SSH1: variants seen among roughly 807,000 people sequenced by gnomAD.
SSH1 encodes protein phosphatase Slingshot homolog 1.
In SSH1, 43 loss-of-function variants were observed where a neutral mutation model predicts 79.7. That is an observed-to-expected ratio of 0.54 (90% CI 0.42 to 0.70). SSH1 has a LOEUF of 0.70. Among genes scored for constraint, SSH1 ranks in the 30% least tolerant of loss-of-function variants. The pLI, the probability that SSH1 is intolerant of heterozygous loss-of-function variation, is 0.00. For synonymous variants in SSH1, 599 were observed against 538.3 expected (o/e 1.11, Z -1.56); for missense variants, 1,206 against 1,358.8 (o/e 0.89, Z 1.77).
At chr12:108,826,093 T>C (rs561753669) in intron 2 of SSH1, 1 of 445,324 alleles carries the variant, frequency 2.2e-6, no homozygotes, top group Non-Finnish European at 4.5e-6. Context: ...AAAAAAAAAA[T>C]TCATACTGAC....
chr12:108,826,502 G>A (rs1198746640), intron 2 of SSH1: 3 of 142,792 alleles, frequency 2.1e-5, no homozygotes, highest in Admixed American at 7.6e-5. Flanking sequence ...ACAGTCAGGA[G>A]ATACAGCCAG....
intron 13 of SSH1, among the ~76,000 whole-genome samples, chr12:108,798,534 T>A (rs1004423284): frequency 3.3e-5 from 5 of 150,030 alleles, no homozygotes; most frequent in Admixed American, 6.6e-5. Context: ...AAGAGGGAAC[T>A]GAGGCTCGGG....
intron 6 of SSH1, among the ~76,000 whole-genome samples, chr12:108,810,670 C>T (rs1206000026): frequency 2.0e-5 from 3 of 152,264 alleles, no homozygotes; most frequent in South Asian, 2.1e-4. Context: ...TTAGAATCCC[C>T]GTGTCAGGCC....
chr12:108,841,791 G>C (rs1424249697), intron 2 of SSH1, among the ~76,000 whole-genome samples: 1 of 151,378 alleles, frequency 6.6e-6, no homozygotes, highest in South Asian at 2.1e-4. Flanking sequence ...CCTGGTGACA[G>C]AGCAAGTCTC....
rs201402062 is a variant in SSH1 at position 108,792,645 on chromosome 12, G to A, written c.1534C>T (p.Arg512Trp). The A allele has an allele frequency of 6.4e-5, 103 of 1,611,540 alleles. No homozygotes were observed. The East Asian group carries it at 1.5e-3, about 23-fold the overall frequency. Residue 512 changes from arginine to tryptophan, a missense_variant, in exon 14 of 15, where the codon CGG (arginine) becomes TGG (tryptophan). Around this residue, in one of 5 missense-constraint regions of SSH1, gnomAD observed 709 missense variants for 730.6 expected, o/e 0.97. Transcript: ENST00000326495. ...GLGPPLPCCFRRLSDPLLPSP... is the reference protein window; with the variant it reads ...GLGPPLPCCFWRLSDPLLPSP... ...GGCAGAAGGGGGTCTGAGAGTCGCC[G>A]GAAACAGCAGGGGAGGGGGGGCCCT...
At position 108,787,765 on chromosome 12, in the gene SSH1, G is replaced by A. The variant is rs1007853428; in HGVS notation, c.*223C>T. The A allele has an allele frequency of 9.9e-6, 6 of 603,640 alleles. No individual in the cohort carries two copies. Among genetic ancestry groups the A allele is most frequent in the Middle Eastern group, 4.4e-4 (1 of 2,272 alleles). 37.4% of individuals were successfully genotyped at this position (603,640 alleles called of 1,614,324 possible). On this transcript the variant is annotated 3_prime_UTR_variant, in exon 15 of 15. Transcript: ENST00000326495. ...CGGAGTTTTGTGTCTCCTGGCCGGC[G>A]GCTCCTGGTTCTCCCAGGCCACACG...
chr12:108,835,796 A>C (rs777261263), intron 2 of SSH1, among the ~76,000 whole-genome samples: 35 of 151,186 alleles, frequency 2.3e-4, no homozygotes, highest in Non-Finnish European at 4.3e-4. Flanking sequence ...CTCACAGGCA[A>C]GGAATGAAAT....
At position 108,799,091 on chromosome 12, in the gene SSH1, A is replaced by G. The variant is rs1252232016; in HGVS notation, c.1258T>C (p.Tyr420His). The part of the protein sequence containing the change: ...KEFGWPLEKA[Y>H]NYVKQKRSIT... Reference sequence around the variant, plus strand: ...CTGCGCTTCTGCTTTACATAGTTATATGCTTTTTCCAGAGGCCAGCCGAAT... The same window carrying G: ...CTGCGCTTCTGCTTTACATAGTTATGTGCTTTTTCCAGAGGCCAGCCGAAT... Residue 420 changes from tyrosine (Y) to histidine (H), a missense_variant, in exon 13 of 15, where the codon TAT (tyrosine) becomes CAT (histidine). By Grantham distance (83) the Tyr-to-His change is moderately conservative. Around this residue, in one of 5 missense-constraint regions of SSH1, gnomAD observed 166 missense variants for 262.9 expected, o/e 0.63. Coordinates refer to ENST00000326495, the MANE Select transcript of SSH1 (RefSeq NM_018984.4). 4 of 1,614,188 alleles carry G rather than the reference A, an allele frequency of 2.5e-6. No homozygotes were observed. Among genetic ancestry groups the G allele is most frequent in the Non-Finnish European group, 3.4e-6 (4 of 1,180,048 alleles).
intron 2 of SSH1, among the ~76,000 whole-genome samples, chr12:108,825,063 A>C (rs1361358657): frequency 6.6e-6 from 1 of 152,216 alleles, no homozygotes; most frequent in Non-Finnish European, 1.5e-5. Context: ...ACTACTATAT[A>C]ATTTAAAAAG....
chr12:108,855,428 G>A (rs1387085938), intron 1 of SSH1, among the ~76,000 whole-genome samples: 2 of 152,180 alleles, frequency 1.3e-5, no homozygotes, highest in Non-Finnish European at 2.9e-5. Context: ...GATGGTGGTG[G>A]TTGCACAATC....
At chr12:108,825,688 A>G (rs1030372453) in intron 2 of SSH1, among the ~76,000 whole-genome samples, 16 of 152,178 alleles carry the variant, frequency 1.1e-4, no homozygotes, top group African/African-American at 2.9e-4. Context: ...TCACAGGCAT[A>G]TATTTGTGCT....
At chr12:108,855,570 T>G (rs577158827) in intron 1 of SSH1, among the ~76,000 whole-genome samples, 1 of 152,138 alleles carries the variant, frequency 6.6e-6, no homozygotes, top group Non-Finnish European at 1.5e-5. Context: ...TCTAGGAACA[T>G]GGGGTTTTGA....
chr12:108,791,883 T>TGAGATGA (rs1236451950), intron 14 of SSH1: 1 of 1,215,998 alleles, frequency 8.2e-7, no homozygotes, highest in Non-Finnish European at 1.0e-6. Flanking sequence ...GTGGTAGGGG[T>TGAGATGA]GAGATGAAAA....
Position 108,800,760 on chromosome 12 carries a change from C to G in SSH1, c.1148+20G>C. On this transcript the variant is annotated intron_variant, in intron 12 of 14. Coordinates refer to ENST00000326495, the MANE Select transcript of SSH1 (RefSeq NM_018984.4). The stretch of plus-strand genomic sequence containing the variant: ...CAGCAGGTTGGTTTCATCCTCAGCC[C>G]CGCCTCTCTGTCCACTTACTTCGCT... 6.2e-7 allele frequency: 1 copy of G among 1,612,862 alleles called. No individual in the cohort carries two copies. Among genetic ancestry groups the G allele is most frequent in the Non-Finnish European group, 8.5e-7 (1 of 1,179,746 alleles).
intron 1 of SSH1, chr12:108,852,886 T>G: frequency 1.0e-6 from 1 of 985,474 alleles, no homozygotes; most frequent in Non-Finnish European, 1.2e-6. Flanking sequence ...TTTCCAAATG[T>G]TGACCCACAT....
chr12:108,792,676 G>T lies in SSH1; in HGVS notation c.1503C>A (p.Pro501=). 2 of 1,612,424 alleles carry T rather than the reference G, an allele frequency of 1.2e-6. No individual in the cohort carries two copies. The highest frequency in any genetic ancestry group is 1.7e-6 in the Non-Finnish European group (2 of 1,180,002). The change falls in exon 14 of 15, where the codon CCC becomes CCA. Residue 501 remains proline (P), a synonymous_variant. Coordinates refer to ENST00000326495, the MANE Select transcript of SSH1 (RefSeq NM_018984.4). ...QLPFLDDAAQ[P]GLGPPLPCCF... ...AGCAGGGGAGGGGGGGCCCTAAGCC[G>T]GGCTGGGCGGCATCATCCAAGAAGG...
rs770122603 is a variant in SSH1, at chr12:108,792,291, T to A, written c.1888A>T (p.Met630Leu). 5.6e-6 allele frequency: 9 copies of A among 1,614,068 alleles called. No homozygotes were observed. The highest frequency in any genetic ancestry group is 2.2e-5 in the East Asian group (1 of 44,906). Residue 630 changes from methionine to leucine, a missense_variant, in exon 14 of 15, where the codon ATG (methionine) becomes TTG (leucine). By Grantham distance (15) the Met-to-Leu change is conservative. Around this residue, in one of 5 missense-constraint regions of SSH1, gnomAD observed 709 missense variants for 730.6 expected, o/e 0.97. Coordinates refer to ENST00000326495, the MANE Select transcript of SSH1 (RefSeq NM_018984.4). ...NNSKRSCPNG[M>L]EDDAIFGILN... is the part of the protein sequence containing the mutation. ...GCAGGCCGGGCTCTGCCTACCTCCA[T>A]GCCGTTGGGACAGCTCCTCTTGCTG...
chr12:108,832,943 C>A, intron 2 of SSH1, among the ~76,000 whole-genome samples: 1 of 152,156 alleles, frequency 6.6e-6, no homozygotes. Flanking sequence ...GGGTCACAGA[C>A]AAGGAATGCT....
chr12:108,827,783 G>A (rs1473142010), intron 2 of SSH1, among the ~76,000 whole-genome samples: 1 of 152,202 alleles, frequency 6.6e-6, no homozygotes, highest in Non-Finnish European at 1.5e-5. Flanking sequence ...TTTCAAATCA[G>A]CATCCATTTA....
Sources: gnomAD v4.1 joint callset for allele counts (sites outside exome capture counted in the v4.1 genomes callset) on GRCh38, gnomAD v4.1.1 for gene constraint, gnomAD v4.1.1 regional missense constraint, MANE v1.5 for transcripts, NCBI Gene and HGNC (gene_info 2026-07-23, HGNC 2026-07-21) for gene names.